Variants in GFOD1 observed in about 807,000 individuals in gnomAD.
GFOD1 encodes the protein glucose-fructose oxidoreductase domain-containing protein 1.
Under a neutral mutation model 25.4 loss-of-function variants are expected in GFOD1, and 9 were observed. The observed-to-expected ratio is 0.35, with a 90% confidence interval of 0.21 to 0.62. GFOD1 has a LOEUF of 0.62. GFOD1 is among the 20% of genes least tolerant of loss of function. The probability of loss-of-function intolerance (pLI) is 0.72; values close to 1 mark genes in which losing one functional copy is unlikely to be tolerated. For synonymous variants in GFOD1, 253 were observed against 245.6 expected (o/e 1.03, Z -0.28); for missense variants, 403 against 556.9 (o/e 0.72, Z 2.78).
At chr6:13,437,935 G>A (rs1166400183) in intron 1 of GFOD1, among the ~76,000 whole-genome samples, 1 of 152,090 alleles carries the variant, frequency 6.6e-6, no homozygotes, top group African/African-American at 2.4e-5. Context: ...GAGAAAATGG[G>A]TAAAGGAGGA....
rs1340188224 is a variant in GFOD1, at chr6:13,358,806, T to A, written c.*5937A>T. On this transcript the variant is annotated 3_prime_UTR_variant, in exon 2 of 2. Coordinates refer to ENST00000379287, the MANE Select transcript of GFOD1 (RefSeq NM_018988.4). ...ACATCTGCCCAGGCAAGCTTTTGAT[T>A]GCCACACTAAGCATCAAGCCATTGC... 1 of 152,350 alleles carries A rather than the reference T, an allele frequency of 6.6e-6. No individual in the cohort carries two copies. The highest frequency in any genetic ancestry group is 2.4e-5 in the African/African-American group (1 of 41,474). The allele number at this position is 152,350 out of a possible 1,614,324, so 9.4% of individuals were successfully genotyped here.
In GFOD1 at chr6:13,461,058, C is replaced by A. The variant is rs1758282210; in HGVS notation, c.253+25580G>T. Reference sequence around the variant, plus strand: ...TTTCTGTTTGCTATCAATTATCTGGCCTGTGCTCTTCTGTTACAGCAGCAC... The same window carrying A: ...TTTCTGTTTGCTATCAATTATCTGGACTGTGCTCTTCTGTTACAGCAGCAC... On this transcript the variant is annotated intron_variant, in intron 1 of 1. Transcript: ENST00000379287. Among the ~76,000 whole-genome samples the A allele has an allele frequency of 2.0e-5, 3 of 152,208 alleles. No homozygotes were observed. In the South Asian group the frequency reaches 6.2e-4, roughly 32 times the overall value.
intron 1 of GFOD1, among the ~76,000 whole-genome samples, chr6:13,381,566 A>G (rs80222238): frequency 1.3e-5 from 2 of 152,350 alleles, no homozygotes; most frequent in East Asian, 1.9e-4. Context: ...GCATGGACAC[A>G]GTGCTGGAAC....
At chr6:13,418,887 C>A (rs1462054459) in intron 1 of GFOD1, among the ~76,000 whole-genome samples, 2 of 152,148 alleles carry the variant, frequency 1.3e-5, no homozygotes, top group East Asian at 1.9e-4. Context: ...GTTTCTCAGT[C>A]CTTTTCATGA....
At chr6:13,433,662 T>C (rs1220266864) in intron 1 of GFOD1, among the ~76,000 whole-genome samples, 1 of 151,894 alleles carries the variant, frequency 6.6e-6, no homozygotes, top group Non-Finnish European at 1.5e-5. Flanking sequence ...GGGGTTGGGG[T>C]GGGGGAAGTT....
chr6:13,368,120 T>C (rs972533475), intron 1 of GFOD1, among the ~76,000 whole-genome samples: 1 of 152,244 alleles, frequency 6.6e-6, no homozygotes, highest in African/African-American at 2.4e-5. Flanking sequence ...TTTCTCATTT[T>C]CCCAGTGGAA....
chr6:13,470,548 G>A (rs942922165), intron 1 of GFOD1: 15 of 1,546,528 alleles, frequency 9.7e-6, no homozygotes, highest in Admixed American at 2.0e-5. Context: ...GGGAGCAGAA[G>A]CTCAGCTGAA....
intron 1 of GFOD1, among the ~76,000 whole-genome samples, chr6:13,418,406 T>C (rs559728171): frequency 6.6e-6 from 1 of 152,386 alleles, no homozygotes; most frequent in African/African-American, 2.4e-5. Context: ...CTAGGTCCGT[T>C]TGCAGAATAT....
chr6:13,477,216 G>GTGTGTGTGTGTGTGTGT (rs869069113), intron 1 of GFOD1, among the ~76,000 whole-genome samples: 49 of 140,768 alleles, frequency 3.5e-4, no homozygotes, highest in Non-Finnish European at 5.8e-4. Flanking sequence ...ACCAATAGGG[G>GTGTGTGTGTGTGTGTGT]GTGTGTGTGT....
At chr6:13,475,373 A>G (rs1030251625) in intron 1 of GFOD1, among the ~76,000 whole-genome samples, 7 of 152,100 alleles carry the variant, frequency 4.6e-5, no homozygotes, top group African/African-American at 1.7e-4. Flanking sequence ...CAGGAGTTTG[A>G]GACCAGCCTG....
In GFOD1 at chr6:13,408,900, A is replaced by G. The variant is rs146284487; in HGVS notation, c.254-43238T>C. Among the ~76,000 whole-genome samples, 188 of 152,040 alleles carry G rather than the reference A, an allele frequency of 1.2e-3. 4 individuals are homozygous for G. In the East Asian group the frequency reaches 0.026, roughly 21 times the overall value. On this transcript the variant is annotated intron_variant, in intron 1 of 1. Transcript: ENST00000379287. ...CAGGAGTTTGATACCAGCCTGGCTA[A>G]CATGGTGAAACCCCCTCTCTACTAA... is the stretch of plus-strand genomic sequence containing the variant.
chr6:13,423,935 C>G (rs1382333362), intron 1 of GFOD1, among the ~76,000 whole-genome samples: 1 of 152,136 alleles, frequency 6.6e-6, no homozygotes, highest in African/African-American at 2.4e-5. Flanking sequence ...TGTGGCTCAC[C>G]ACAACCTCTG....
chr6:13,384,875 G>C (rs1310695927), intron 1 of GFOD1, among the ~76,000 whole-genome samples: 1 of 152,196 alleles, frequency 6.6e-6, no homozygotes, highest in Non-Finnish European at 1.5e-5. Context: ...TCTGGATTTA[G>C]CAGACTTCCT....
intron 1 of GFOD1, among the ~76,000 whole-genome samples, chr6:13,465,810 T>A (rs775988905): frequency 1.3e-5 from 2 of 152,190 alleles, no homozygotes; most frequent in Non-Finnish European, 2.9e-5. Flanking sequence ...CCTGTCTCCC[T>A]AAAAATGTTT....
chr6:13,411,752 C>G (rs1786082683), intron 1 of GFOD1, among the ~76,000 whole-genome samples: 1 of 152,146 alleles, frequency 6.6e-6, no homozygotes, highest in African/African-American at 2.4e-5. Flanking sequence ...GGAAGGAGCA[C>G]CTTAACTTTT....
chr6:13,479,416 G>C (rs1758700539), intron 1 of GFOD1, among the ~76,000 whole-genome samples: 1 of 152,194 alleles, frequency 6.6e-6, no homozygotes, highest in Non-Finnish European at 1.5e-5. Flanking sequence ...AAGTCACACA[G>C]TAGTAACCTG....
intron 1 of GFOD1, among the ~76,000 whole-genome samples, chr6:13,483,579 T>C (rs946734075): frequency 5.3e-5 from 8 of 152,170 alleles, no homozygotes; most frequent in African/African-American, 1.9e-4. Context: ...TGGGGTGGAC[T>C]GGAACCTAGT....
intron 1 of GFOD1, among the ~76,000 whole-genome samples, chr6:13,409,166 G>GA (rs1382880663): frequency 0.023 from 195 of 8,502 alleles, 11 homozygotes; most frequent in Admixed American, 0.054. Flanking sequence ...AAGAAAGAAA[G>GA]GAAAGAGAGA....
intron 1 of GFOD1, among the ~76,000 whole-genome samples, chr6:13,481,321 CCTT>C (rs1456773748): frequency 6.6e-6 from 1 of 152,178 alleles, no homozygotes; most frequent in Non-Finnish European, 1.5e-5. Context: ...GAGGCAAGAA[CCTT>C]CTGGGCAAAG....
Sources: gnomAD v4.1 joint callset for allele counts (sites outside exome capture counted in the v4.1 genomes callset) on GRCh38, gnomAD v4.1.1 for gene constraint, MANE v1.5 for transcripts, NCBI Gene and HGNC (gene_info 2026-07-23, HGNC 2026-07-21) for gene names.